Variants in GNPTG observed in about 807,000 individuals in gnomAD.
GNPTG encodes the protein N-acetylglucosamine-1-phosphate transferase subunit gamma, also known as N-acetylglucosamine-1-phosphotransferase subunit gamma.
In GNPTG, 46 loss-of-function variants were observed where a neutral mutation model predicts 43.8. The ratio of observed to expected loss-of-function variants is 1.05; its 90% CI spans 0.83 to 1.34. GNPTG has a LOEUF of 1.34. Among genes scored for constraint, GNPTG ranks in the 40% most tolerant of loss-of-function variants. GNPTG has a pLI of 0.00. For synonymous variants in GNPTG, 250 were observed against 172.8 expected (o/e 1.45, Z -3.50); for missense variants, 549 against 411.3 (o/e 1.33, Z -2.90).
At position 1,362,243 on chromosome 16, in the gene GNPTG, A is replaced by G. The variant is rs1412046505; in HGVS notation, c.449A>G (p.His150Arg). 2.5e-6 allele frequency: 4 copies of G among 1,613,518 alleles called. No homozygotes were observed. The highest frequency in any genetic ancestry group is 1.7e-5 in the Admixed American group (1 of 60,030). The change falls in exon 7 of 11, where the codon CAT (histidine) becomes CGT (arginine). Residue 150 changes from histidine (H) to arginine (R), a missense_variant. Physicochemically the swap from His to Arg is conservative, Grantham distance 29. Transcript: ENST00000204679. Reference protein sequence around the residue: ...LACGKSNRLAHVSEPSTCVYA... With the variant: ...LACGKSNRLARVSEPSTCVYA... The stretch of plus-strand genomic sequence containing the variant: ...TGTGGAAAAAGCAACCGGCTGGCCC[A>G]TGTGTCCGAGCCGAGCACCTGCGTC...
chr16:1,361,826 C>T, intron 4 of GNPTG, 29 bp downstream of exon 4: 6 of 1,613,954 alleles, frequency 3.7e-6, no homozygotes, highest in Non-Finnish European at 4.2e-6. Flanking sequence ...CGAGGGTGGG[C>T]TGGGGCGCAG....
intron 3 of GNPTG, among the ~76,000 whole-genome samples, chr16:1,357,995 C>A (rs997161596): frequency 6.6e-6 from 1 of 152,014 alleles, no homozygotes; most frequent in African/African-American, 2.4e-5. Context: ...GGAGGATGGC[C>A]CGTGGCTGAC....
At chr16:1,359,205 C>T (rs1398683935) in intron 3 of GNPTG, among the ~76,000 whole-genome samples, 2 of 152,180 alleles carry the variant, frequency 1.3e-5, no homozygotes, top group African/African-American at 4.8e-5. Context: ...GAGTCTCTTA[C>T]ATACGTGGTT....
chr16:1,361,760 C>T lies in GNPTG; in HGVS notation c.196C>T (p.Arg66Ter), dbSNP rs193302848. 14 of 1,613,978 alleles carry T rather than the reference C, an allele frequency of 8.7e-6. No homozygotes were observed. Among genetic ancestry groups the T allele is most frequent in the Admixed American group, 1.7e-5 (1 of 59,994 alleles). The change falls in exon 4 of 11, where the codon CGA becomes TGA. Residue 66 changes from arginine to a stop codon, truncating the protein, a stop_gained. Coordinates refer to ENST00000204679, the MANE Select transcript of GNPTG (RefSeq NM_032520.5). LOFTEE classifies it high-confidence loss of function. ...SPVSGPVHLF[R>*]LSGKCFSLVE... Reference sequence around the variant, plus strand: ...TCTTCCAGGACCCGTGCATCTCTTCCGACTCTCGGGCAAGTGCTTCAGCCT... The same window carrying T: ...TCTTCCAGGACCCGTGCATCTCTTCTGACTCTCGGGCAAGTGCTTCAGCCT...
intron 3 of GNPTG, among the ~76,000 whole-genome samples, chr16:1,354,848 G>C (rs528116052): frequency 1.3e-5 from 2 of 152,236 alleles, no homozygotes; most frequent in African/African-American, 4.8e-5. Context: ...GTGGGGTCAG[G>C]CGTGGATAGT....
chr16:1,363,495 C>A lies in GNPTG; in HGVS notation c.*404C>A. ...ACCACAGTTACACACGTCGTGACAC[C>A]ACTGTATCACGGCGAATGTCGAACA... On this transcript the variant is annotated 3_prime_UTR_variant, in exon 11 of 11. Coordinates refer to ENST00000204679, the MANE Select transcript of GNPTG (RefSeq NM_032520.5). 1 of 297,568 alleles carries A rather than the reference C, an allele frequency of 3.4e-6. No homozygotes were observed. The highest frequency in any genetic ancestry group is 6.6e-6 in the Non-Finnish European group (1 of 152,076). 18.4% of individuals were successfully genotyped at this position (297,568 alleles called of 1,614,324 possible).
intron 9 of GNPTG, 33 bp from the exon 10 acceptor site, chr16:1,362,792 G>A: frequency 6.2e-7 from 1 of 1,614,068 alleles, no homozygotes; most frequent in Non-Finnish European, 8.5e-7. Flanking sequence ...CCAGCACCTG[G>A]GCTTTCCCTT....
In GNPTG at chr16:1,362,024, C is replaced by T; in HGVS notation, c.318-14C>T. The T allele has an allele frequency of 6.2e-7, 1 of 1,612,758 alleles. No individual in the cohort carries two copies. Among genetic ancestry groups the T allele is most frequent in the Non-Finnish European group, 8.5e-7 (1 of 1,179,642 alleles). On this transcript the variant is annotated splice_polypyrimidine_tract_variant and intron_variant, in intron 5 of 10. Coordinates refer to ENST00000204679, the MANE Select transcript of GNPTG (RefSeq NM_032520.5). ...CCCCACCCGGCCTCACGTGCCGTGC[C>T]CGTGTCTCCCCAGCATCTGGCACGA...
intron 3 of GNPTG, among the ~76,000 whole-genome samples, chr16:1,354,383 C>G (rs949244243): frequency 6.6e-6 from 1 of 152,000 alleles, no homozygotes. Flanking sequence ...CGAGACCAGC[C>G]TGGCCAACAT....
At position 1,362,091 on chromosome 16, in the gene GNPTG, G is replaced by A; in HGVS notation, c.371G>A (p.Arg124Lys). Residue 124 changes from arginine (R) to lysine (K), a missense_variant, in exon 6 of 11, where the codon AGG becomes AAG. Arg to Lys is a conservative substitution (Grantham distance 26). Transcript: ENST00000204679. ...AACACCTTCACGGGCATGTGGATGA[G>A]GGACGGTGACGCCTGCCGTTCCCGG... is the stretch of plus-strand genomic sequence containing the variant. The part of the protein sequence containing the change: ...ANNTFTGMWM[R>K]DGDACRSRSR... 3 of 1,611,828 alleles carry A rather than the reference G, an allele frequency of 1.9e-6. No homozygotes were observed. The highest frequency in any genetic ancestry group is 1.1e-5 in the South Asian group (1 of 90,918).
In GNPTG at chr16:1,362,176, C is replaced by A. The variant is rs200508759; in HGVS notation, c.412-30C>A. The A allele has an allele frequency of 6.2e-6, 10 of 1,613,250 alleles. No homozygotes were observed. In the Admixed American group the frequency reaches 1.0e-4, roughly 16 times the overall value. On this transcript the variant is annotated intron_variant, in intron 6 of 10. Coordinates refer to ENST00000204679, the MANE Select transcript of GNPTG (RefSeq NM_032520.5). ...CCCGGGAAGAGGGGCCCCAGTCTCC[C>A]CAACCCACCTACCCACGTTCCCTCC...
chr16:1,362,845 G>A lies in GNPTG; in HGVS notation c.762G>A (p.Lys254=). 1.9e-6 allele frequency: 3 copies of A among 1,614,016 alleles called. No individual in the cohort carries two copies. Among genetic ancestry groups the A allele is most frequent in the Non-Finnish European group, 2.5e-6 (3 of 1,180,008 alleles). ...GGTAGGCTCATAAAGAACTCTCAAA[G>A]GAGATCAAAAGGCTGAAAGGTTTGC... ...NCRKAHKELS[K]EIKRLKGLLT... is the part of the protein sequence containing the mutation. The change falls in exon 10 of 11, where the codon AAG becomes AAA. Residue 254 remains lysine, a synonymous_variant. Transcript: ENST00000204679.
chr16:1,356,250 C>T (rs1208844679), intron 3 of GNPTG, among the ~76,000 whole-genome samples: 4 of 152,090 alleles, frequency 2.6e-5, no homozygotes, highest in Admixed American at 6.5e-5. Context: ...CACCTGGGCC[C>T]GCGGGAGCCA....
chr16:1,362,394 T>G, intron 7 of GNPTG, 58 bp from the exon 8 acceptor site: 1 of 1,609,996 alleles, frequency 6.2e-7, no homozygotes, highest in East Asian at 2.2e-5. Context: ...CCTGTAGTGC[T>G]GGGGGCCAGG....
intron 3 of GNPTG, among the ~76,000 whole-genome samples, chr16:1,357,483 TTTATTA>T (rs113850025): frequency 4.2e-4 from 64 of 150,598 alleles, no homozygotes; most frequent in Middle Eastern, 3.4e-3. Flanking sequence ...GTATTTCGAC[TTTATTA>T]TTATTATTAT....
At chr16:1,352,967 ATT>A (rs3078768) in intron 3 of GNPTG, among the ~76,000 whole-genome samples, 2,312 of 132,628 alleles carry the variant, frequency 0.017, 61 homozygotes, top group African/African-American at 0.062. Context: ...AAATCCAAGA[ATT>A]TTTTTTTTTT....
In GNPTG at chr16:1,361,742, G is replaced by A. The variant is rs988175540; in HGVS notation, c.179-1G>A. Reference sequence around the variant, plus strand: ...GGGGATCAGTGTGAGGTCTCTTCCAGGACCCGTGCATCTCTTCCGACTCTC... The same window carrying A: ...GGGGATCAGTGTGAGGTCTCTTCCAAGACCCGTGCATCTCTTCCGACTCTC... On this transcript the variant is annotated splice_acceptor_variant, in intron 3 of 10. Transcript: ENST00000204679. LOFTEE classifies it high-confidence loss of function. 1.3e-5 allele frequency: 21 copies of A among 1,614,160 alleles called. No individual in the cohort carries two copies. The highest frequency in any genetic ancestry group is 1.8e-5 in the Non-Finnish European group (21 of 1,180,000).
intron 3 of GNPTG, 159 bp from the exon 4 acceptor site, chr16:1,361,584 A>C (rs935368098): frequency 1.2e-4 from 91 of 731,794 alleles, no homozygotes; most frequent in East Asian, 1.1e-3. Context: ...GCGGAGCTTG[A>C]AGTGAGCCAA....
intron 3 of GNPTG, among the ~76,000 whole-genome samples, chr16:1,355,811 G>A (rs1330720702): frequency 6.6e-6 from 1 of 152,102 alleles, no homozygotes; most frequent in Non-Finnish European, 1.5e-5. Context: ...CCTGGCTAGA[G>A]AAGCCATGGC....
Sources: allele counts gnomAD v4.1 joint callset (sites outside exome capture counted in the v4.1 genomes callset), GRCh38; gene constraint gnomAD v4.1.1; transcripts MANE v1.5; gene names NCBI Gene and HGNC (gene_info 2026-07-23, HGNC 2026-07-21).